TINAGL1: variants seen among roughly 807,000 people sequenced by gnomAD.
The protein encoded by TINAGL1 is tubulointerstitial nephritis antigen like 1.
Under a neutral mutation model 62.0 loss-of-function variants are expected in TINAGL1, and 34 were observed. The observed-to-expected ratio is 0.55, with a 90% CI of 0.42 to 0.73. The LOEUF (loss-of-function observed/expected upper bound fraction) is 0.73. Among genes scored for constraint, TINAGL1 ranks in the 30% least tolerant of loss-of-function variants. TINAGL1 has a pLI of 0.00. For missense variants in TINAGL1, 516 were observed against 653.2 expected (o/e 0.79, Z 2.29); for synonymous variants, 221 against 249.7 (o/e 0.88, Z 1.08).
chr1:31,584,831 G>T lies in TINAGL1; in HGVS notation c.706+30G>T, dbSNP rs757331832. ...GCCAAGGGCAAGGGCTGGCGCCTGG[G>T]AGAGGAGGGCCAAGTCCTGAGCCTC... On this transcript the variant is annotated intron_variant, in intron 6 of 11. Transcript: ENST00000271064. The surrounding 1 kb of genome is among the most constrained non-coding windows in gnomAD (Gnocchi z 4.0). 6.2e-7 allele frequency: 1 copy of T among 1,614,212 alleles called. No homozygotes were observed. The highest frequency in any genetic ancestry group is 8.5e-7 in the Non-Finnish European group (1 of 1,180,010).
chr1:31,576,562 G>A lies in TINAGL1; in HGVS notation c.-49G>A, dbSNP rs1379595503. On this transcript the variant is annotated 5_prime_UTR_variant, in exon 1 of 12. Transcript: ENST00000271064. The surrounding 1 kb of genome is among the most constrained non-coding windows in gnomAD (Gnocchi z 5.1). ...CAGAGCCAGGAGGCGGAGGCGCGCG[G>A]GCCAGCCTGGGCCCCAGCCCACACC... The A allele has an allele frequency of 1.3e-5, 2 of 152,494 alleles. No individual in the cohort carries two copies. The highest frequency in any genetic ancestry group is 2.9e-5 in the Non-Finnish European group (2 of 68,198). The allele number at this position is 152,494 out of a possible 1,614,324, so 9.4% of individuals were successfully genotyped here.
Sources: allele counts gnomAD v4.1 joint callset, GRCh38; gene constraint gnomAD v4.1.1; non-coding constraint Gnocchi (gnomAD v3.1); transcripts MANE v1.5; gene names NCBI Gene and HGNC (gene_info 2026-07-23, HGNC 2026-07-21).